The following HGF variants were observed in gnomAD, a reference collection of about 807,000 sequenced individuals.
HGF encodes fibroblast-derived tumor cytotoxic factor.
A neutral mutation model predicts 111.6 loss-of-function variants in HGF; 39 were observed. The observed-to-expected ratio is 0.35, with a 90% CI of 0.27 to 0.46. HGF has a LOEUF of 0.46. Among genes scored for constraint, HGF ranks in the 20% least tolerant of loss-of-function variants. HGF has a pLI of 1.00. For synonymous variants in HGF, 285 were observed against 294.8 expected (o/e 0.97, Z 0.34); for missense variants, 735 against 910.5 (o/e 0.81, Z 2.48).
intron 7 of HGF, among the ~76,000 whole-genome samples, chr7:81,740,787 C>T (rs1187672369): frequency 6.6e-6 from 1 of 152,202 alleles, no homozygotes; most frequent in African/African-American, 2.4e-5. Flanking sequence ...AACTAGTGAA[C>T]TTTAAATGCA....
intron 7 of HGF, among the ~76,000 whole-genome samples, chr7:81,740,085 A>G (rs1046022484): frequency 2.6e-5 from 4 of 152,180 alleles, no homozygotes; most frequent in African/African-American, 9.7e-5. Flanking sequence ...GAATGAAATA[A>G]GGATTGTTAA....
At chr7:81,737,105 A>G (rs1337749692) in intron 7 of HGF, among the ~76,000 whole-genome samples, 2 of 152,030 alleles carry the variant, frequency 1.3e-5, no homozygotes, top group African/African-American at 4.8e-5. Context: ...TAGAAGATAA[A>G]ATTGACAGGA....
At chr7:81,755,127 C>A (rs1788695968) in intron 4 of HGF, 1 of 151,884 alleles carries the variant, frequency 6.6e-6, no homozygotes, top group Non-Finnish European at 1.5e-5. Flanking sequence ...GCTGGGTGGC[C>A]AATGAAGGAT....
intron 11 of HGF, among the ~76,000 whole-genome samples, chr7:81,716,220 A>C (rs1789709056): frequency 6.6e-6 from 1 of 152,150 alleles, no homozygotes; most frequent in South Asian, 2.1e-4. Flanking sequence ...TAGTGGATAG[A>C]GTCCAGGAAT....
At chr7:81,716,640 A>G (rs1400309438) in intron 11 of HGF, among the ~76,000 whole-genome samples, 1 of 152,140 alleles carries the variant, frequency 6.6e-6, no homozygotes, top group African/African-American at 2.4e-5. Flanking sequence ...ATTATACCAG[A>G]CATGTATTTT....
At position 81,729,800 on chromosome 7, in the gene HGF, CAA is replaced by C. The variant is rs5745686; in HGVS notation, c.866-23_866-22del. Reference sequence around the variant, plus strand: ...GTCAGCTATTGGCAAAAAACAACAACAAAAAAAAACTTATATAAAATCTTTGA... The same window carrying C: ...GTCAGCTATTGGCAAAAAACAACAACAAAAAAACTTATATAAAATCTTTGA... On this transcript the variant is annotated intron_variant, in intron 7 of 17. Coordinates refer to ENST00000222390, the MANE Select transcript of HGF (RefSeq NM_000601.6). 117 of 1,597,042 alleles carry C rather than the reference CAA, an allele frequency of 7.3e-5. 1 individual carries two copies. Among genetic ancestry groups the C allele is most frequent in the African/African-American group, 4.6e-4 (34 of 74,266 alleles).
intron 12 of HGF, among the ~76,000 whole-genome samples, chr7:81,710,541 G>A (rs1243320501): frequency 3.9e-5 from 6 of 151,958 alleles, no homozygotes; most frequent in Non-Finnish European, 8.8e-5. Flanking sequence ...AGCTCCTCAG[G>A]TCTAATCCCT....
At chr7:81,739,844 C>G (rs1787949599) in intron 7 of HGF, among the ~76,000 whole-genome samples, 1 of 152,064 alleles carries the variant, frequency 6.6e-6, no homozygotes, top group Non-Finnish European at 1.5e-5. Context: ...GGTAAGATCC[C>G]TCCCTTTGCT....
intron 7 of HGF, among the ~76,000 whole-genome samples, chr7:81,734,018 G>A (rs11975846): frequency 0.75 from 114,161 of 152,030 alleles, 43,150 homozygotes; most frequent in Middle Eastern, 0.87. Flanking sequence ...TACTTAACAT[G>A]GGACCTGAGT....
rs1004721704 is a variant in HGF, at chr7:81,702,576, T to G, written c.*5A>C. On this transcript the variant is annotated 3_prime_UTR_variant, in exon 18 of 18. Coordinates refer to ENST00000222390, the MANE Select transcript of HGF (RefSeq NM_000601.6). ...TGGTGGGTGCTTCAGACACACTTAC[T>G]TCAGCTATGACTGTGGTACCTTATA... 1.9e-6 allele frequency: 3 copies of G among 1,607,748 alleles called. No homozygotes were observed. The highest frequency in any genetic ancestry group is 1.7e-5 in the Admixed American group (1 of 59,726).
chr7:81,761,165 A>C (rs80354096), intron 2 of HGF, among the ~76,000 whole-genome samples: 4,437 of 152,232 alleles, frequency 0.029, 97 homozygotes, highest in Non-Finnish European at 0.042. Context: ...ATGAATCTAC[A>C]CAGCTGAGAT....
At chr7:81,710,125 A>T (rs1479919659) in intron 13 of HGF, 22 bp downstream of exon 13, 2 of 1,409,446 alleles carry the variant, frequency 1.4e-6, no homozygotes, top group Middle Eastern at 1.8e-4. Context: ...GATATGCATG[A>T]CTTGCATCTA....
intron 13 of HGF, 90 bp downstream of exon 13, chr7:81,710,057 C>T: frequency 1.1e-6 from 1 of 917,506 alleles, no homozygotes; most frequent in Non-Finnish European, 1.8e-6. Flanking sequence ...GAGGGTACAA[C>T]CTTCAGGACC....
At position 81,726,010 on chromosome 7, in the gene HGF, G is replaced by A. The variant is rs373442319; in HGVS notation, c.1048C>T (p.Arg350Ter). ...TPENFKCKDL[R>*]ENYCRNPDGS... ...TCTGGATTTCGGCAGTAATTTTCTC[G>A]TAGGTCCCTATTGAGAATAAGCATG... is the stretch of plus-strand genomic sequence containing the variant. Residue 350 changes from arginine to a stop codon, truncating the protein, a stop_gained, in exon 9 of 18, where the codon CGA (arginine) becomes TGA (stop). Transcript: ENST00000222390. LOFTEE classifies it high-confidence loss of function. 1 of 1,613,896 alleles carries A rather than the reference G, an allele frequency of 6.2e-7. No individual in the cohort carries two copies. The highest frequency in any genetic ancestry group is 8.5e-7 in the Non-Finnish European group (1 of 1,179,818).
intron 7 of HGF, among the ~76,000 whole-genome samples, chr7:81,742,215 T>C (rs908154546): frequency 2.0e-5 from 3 of 152,214 alleles, no homozygotes; most frequent in African/African-American, 7.2e-5. Context: ...AGTTATTTAT[T>C]GTTGTCCAAA....
chr7:81,751,431 C>A (rs1462200854), intron 5 of HGF: 1 of 985,160 alleles, frequency 1.0e-6, no homozygotes, highest in African/African-American at 1.7e-5. Context: ...TTTTCCACTG[C>A]AAAAGTAAGG....
Position 81,720,858 on chromosome 7 carries a change from A to C in HGF, c.1169-11T>G, listed in dbSNP as rs748109391. On this transcript the variant is annotated splice_polypyrimidine_tract_variant and intron_variant, in intron 9 of 17. Transcript: ENST00000222390. ...TCCCACGATAACAATCTAGACATAA[A>C]ATATACAGAAATAAGTCCAATGAAT... 1.1e-5 allele frequency: 15 copies of C among 1,342,766 alleles called. No individual in the cohort carries two copies. The highest frequency in any genetic ancestry group is 1.5e-5 in the Non-Finnish European group (14 of 932,806). The allele number at this position is 1,342,766 out of a possible 1,614,324, so 83.2% of individuals were successfully genotyped here. A position where few individuals can be genotyped will look rare whatever the true frequency, so the allele number is the denominator to read the frequency against.
At chr7:81,754,638 C>G (rs975928836) in intron 4 of HGF, among the ~76,000 whole-genome samples, 2 of 151,976 alleles carry the variant, frequency 1.3e-5, no homozygotes, top group Non-Finnish European at 2.9e-5. Context: ...ATATCAAAAA[C>G]CTCTCTAGGA....
intron 13 of HGF, among the ~76,000 whole-genome samples, chr7:81,708,007 A>C (rs1007087186): frequency 2.0e-5 from 3 of 152,178 alleles, no homozygotes; most frequent in Admixed American, 1.3e-4. Context: ...GAGTATGATG[A>C]GTACTAGTAC....
Sources: allele counts gnomAD v4.1 joint callset (sites outside exome capture counted in the v4.1 genomes callset), GRCh38; gene constraint gnomAD v4.1.1; transcripts MANE v1.5; gene names NCBI Gene and HGNC (gene_info 2026-07-23, HGNC 2026-07-21).